COBLL1: variants seen among roughly 807,000 people sequenced by gnomAD.
COBLL1 encodes the protein cordon-bleu protein-like 1.
A neutral mutation model predicts 94.8 loss-of-function variants in COBLL1; 50 were observed. That is an observed-to-expected ratio of 0.53 (90% CI 0.42 to 0.67). The LOEUF is 0.67. COBLL1 is among the 30% of genes least tolerant of loss of function. The pLI is 0.00. For missense variants in COBLL1, 1,362 were observed against 1,348.7 expected (o/e 1.01, Z -0.15); for synonymous variants, 448 against 473.8 (o/e 0.95, Z 0.71).
At chr2:164,715,456 T>C (rs1233001613) in intron 7 of COBLL1, among the ~76,000 whole-genome samples, 1 of 152,014 alleles carries the variant, frequency 6.6e-6, no homozygotes, top group Admixed American at 6.6e-5. Flanking sequence ...AAGGGGGATG[T>C]TTCTTAAACA....
intron 5 of COBLL1, chr2:164,724,706 A>G (rs1004824724): frequency 6.6e-6 from 1 of 152,216 alleles, no homozygotes; most frequent in Non-Finnish European, 1.5e-5. Flanking sequence ...ACTAATAGAT[A>G]AATATATAGT....
chr2:164,768,008 G>A (rs1301603000), intron 2 of COBLL1, among the ~76,000 whole-genome samples: 3 of 152,154 alleles, frequency 2.0e-5, no homozygotes, highest in Non-Finnish European at 4.4e-5. Context: ...ATGTATTACT[G>A]AGGGACTGGA....
chr2:164,791,065 T>A (rs1043776945), intron 2 of COBLL1, among the ~76,000 whole-genome samples: 1 of 152,212 alleles, frequency 6.6e-6, no homozygotes, highest in Non-Finnish European at 1.5e-5. Flanking sequence ...CATATAACAA[T>A]GTATTCTATA....
intron 2 of COBLL1, among the ~76,000 whole-genome samples, chr2:164,780,632 T>C (rs930358797): frequency 6.6e-6 from 1 of 152,166 alleles, no homozygotes; most frequent in Non-Finnish European, 1.5e-5. Flanking sequence ...ATAGATGATA[T>C]TATCACCACA....
chr2:164,739,846 A>G (rs2105549587), intron 3 of COBLL1, among the ~76,000 whole-genome samples: 1 of 152,308 alleles, frequency 6.6e-6, no homozygotes, highest in East Asian at 1.9e-4. Context: ...TTTCTATTTG[A>G]ACATTTCTTT....
rs144918627 is a variant in COBLL1 at position 164,691,573 on chromosome 2, C to T, written c.3300+648G>A. On this transcript the variant is annotated intron_variant, in intron 13 of 13. Coordinates refer to ENST00000652658, the MANE Select transcript of COBLL1 (RefSeq NM_001365672.2). Reference sequence around the variant, plus strand: ...TCAAAGCTTCACCACATCTTCTTCTCAGTGGATGAAGGGAACCCAAGGAGG... The same window carrying T: ...TCAAAGCTTCACCACATCTTCTTCTTAGTGGATGAAGGGAACCCAAGGAGG... Among the ~76,000 whole-genome samples the T allele has an allele frequency of 8.9e-3, 1,357 of 152,152 alleles. 15 individuals are homozygous for T. The highest frequency in any genetic ancestry group is 0.03 in the African/African-American group (1,255 of 41,484).
At chr2:164,772,946 C>T (rs988469932) in intron 2 of COBLL1, among the ~76,000 whole-genome samples, 1 of 137,794 alleles carries the variant, frequency 7.3e-6, no homozygotes, top group Non-Finnish European at 1.6e-5. Context: ...AGAATGTCCA[C>T]GAGCAACTTC....
At chr2:164,692,059 G>A (rs10490694) in intron 13 of COBLL1, among the ~76,000 whole-genome samples, 162 bp downstream of exon 13, 19,488 of 152,136 alleles carry the variant, frequency 0.13, 1,333 homozygotes, top group African/African-American at 0.16. Context: ...TTTCAAGTAC[G>A]TGTAAGACTC....
rs1252581182 is a variant in COBLL1 at position 164,680,655 on chromosome 2, T to G, written c.*5291A>C. Reference sequence around the variant, plus strand: ...AATGAAATAGCACAGTTGCCAGATTTAGCTAAGAAAAATACAGGATGCCTA... The same window carrying G: ...AATGAAATAGCACAGTTGCCAGATTGAGCTAAGAAAAATACAGGATGCCTA... On this transcript the variant is annotated 3_prime_UTR_variant, in exon 14 of 14. Transcript: ENST00000652658. 1 of 152,130 alleles carries G rather than the reference T, an allele frequency of 6.6e-6. No individual in the cohort carries two copies. The highest frequency in any genetic ancestry group is 2.4e-5 in the African/African-American group (1 of 41,420). The allele number at this position is 152,130 out of a possible 1,614,324, so 9.4% of individuals were successfully genotyped here.
At chr2:164,728,601 T>C (rs1241814380) in intron 4 of COBLL1, among the ~76,000 whole-genome samples, 1 of 152,064 alleles carries the variant, frequency 6.6e-6, no homozygotes, top group East Asian at 1.9e-4. Context: ...AATTTCTCTA[T>C]TGCCTCAATA....
At chr2:164,837,502 CA>C (rs200406641) in intron 2 of COBLL1, 679 of 375,672 alleles carry the variant, frequency 1.8e-3, no homozygotes, top group Admixed American at 3.6e-3. Flanking sequence ...TTGCTCTCTG[CA>C]AAAAAAAAAC....
intron 2 of COBLL1, among the ~76,000 whole-genome samples, chr2:164,766,751 ACTC>A (rs1687952022): frequency 6.6e-6 from 1 of 151,980 alleles, no homozygotes; most frequent in Admixed American, 6.6e-5. Context: ...CTCTCTGACT[ACTC>A]CTGCTTTCCT....
At chr2:164,715,273 A>G (rs1471927383) in intron 7 of COBLL1, among the ~76,000 whole-genome samples, 1 of 152,172 alleles carries the variant, frequency 6.6e-6, no homozygotes, top group Non-Finnish European at 1.5e-5. Flanking sequence ...GAAACCAGTC[A>G]TATTTTTGGA....
intron 2 of COBLL1, among the ~76,000 whole-genome samples, chr2:164,829,551 AAATTT>A (rs1682959433): frequency 6.6e-6 from 1 of 152,168 alleles, no homozygotes; most frequent in South Asian, 2.1e-4. Context: ...GAACTCCATG[AAATTT>A]AATTTTTTTC....
intron 2 of COBLL1, among the ~76,000 whole-genome samples, chr2:164,806,154 G>A (rs1168934175): frequency 6.6e-6 from 1 of 151,184 alleles, no homozygotes; most frequent in African/African-American, 2.4e-5. Flanking sequence ...AAGAAAAAGG[G>A]AAGGAAAAAA....
rs754441273 is a variant in COBLL1, at chr2:164,694,989, G to A, written c.2403C>T (p.Asn801=). The change falls in exon 12 of 14, where the codon AAC becomes AAT. Residue 801 remains asparagine (N), a synonymous_variant. Coordinates refer to ENST00000652658, the MANE Select transcript of COBLL1 (RefSeq NM_001365672.2). The part of the protein sequence containing the change: ...EPLPNLKPKP[N]LRTEHQVPSS... Reference sequence around the variant, plus strand: ...TGGGCACTTGATGCTCTGTTCTCAGGTTAGGCTTCGGTTTAAGGTTTGGCA... The same window carrying A: ...TGGGCACTTGATGCTCTGTTCTCAGATTAGGCTTCGGTTTAAGGTTTGGCA... 1.2e-6 allele frequency: 2 copies of A among 1,613,876 alleles called. No homozygotes were observed. The highest frequency in any genetic ancestry group is 2.7e-5 in the African/African-American group (2 of 74,888).
intron 2 of COBLL1, among the ~76,000 whole-genome samples, chr2:164,837,717 T>C (rs1683384060): frequency 6.6e-6 from 1 of 152,142 alleles, no homozygotes; most frequent in Non-Finnish European, 1.5e-5. Flanking sequence ...ACATATTACA[T>C]TTGAATATAT....
At chr2:164,807,613 G>A (rs1350178966) in intron 2 of COBLL1, among the ~76,000 whole-genome samples, 1 of 151,990 alleles carries the variant, frequency 6.6e-6, no homozygotes, top group Admixed American at 6.6e-5. Context: ...TGTAAATACA[G>A]TACAGATACT....
At chr2:164,799,197 A>G (rs753052398) in intron 2 of COBLL1, among the ~76,000 whole-genome samples, 9 of 152,130 alleles carry the variant, frequency 5.9e-5, no homozygotes, top group Non-Finnish European at 1.3e-4. Context: ...CTTGGACTCA[A>G]TGCAGCCTAA....
Sources: gnomAD v4.1 joint callset for allele counts (sites outside exome capture counted in the v4.1 genomes callset) on GRCh38, gnomAD v4.1.1 for gene constraint, MANE v1.5 for transcripts, NCBI Gene and HGNC (gene_info 2026-07-23, HGNC 2026-07-21) for gene names.